Variants in DOCK2 observed in about 807,000 individuals in gnomAD.
The protein encoded by DOCK2 is dedicator of cytokinesis protein 2.
In DOCK2, 87 loss-of-function variants were observed where a neutral mutation model predicts 248.9. That is an observed-to-expected ratio of 0.35 (90% CI 0.29 to 0.42). The LOEUF (loss-of-function observed/expected upper bound fraction) is 0.42. Ranked by LOEUF, DOCK2 falls within the 10% of genes least tolerant of loss-of-function variation. The pLI, the probability that DOCK2 is intolerant of heterozygous loss-of-function variation, is 1.00. For missense variants in DOCK2, 1,747 were observed against 2,300.2 expected, an observed-to-expected ratio of 0.76 and a Z score of 4.92; for synonymous variants, 805 against 821.6, an observed-to-expected ratio of 0.98 and a Z score of 0.35.
At chr5:169,893,316 C>T (rs1024847301) in intron 27 of DOCK2, among the ~76,000 whole-genome samples, 3 of 152,166 alleles carry the variant, frequency 2.0e-5, no homozygotes, top group Non-Finnish European at 2.9e-5. Flanking sequence ...TTACTACCAC[C>T]AGATGCAACT....
intron 46 of DOCK2, among the ~76,000 whole-genome samples, chr5:170,069,740 C>A (rs569556598): frequency 9.0e-4 from 137 of 152,328 alleles, no homozygotes; most frequent in African/African-American, 3.2e-3. Context: ...CCCACACAAG[C>A]CGCTGCTCAG....
At chr5:169,988,959 T>G (rs1005759482) in intron 29 of DOCK2, among the ~76,000 whole-genome samples, 4 of 152,248 alleles carry the variant, frequency 2.6e-5, no homozygotes, top group African/African-American at 9.6e-5. Context: ...ATTCATGTGG[T>G]CAGGGCCAAC....
intron 27 of DOCK2, among the ~76,000 whole-genome samples, chr5:169,843,131 C>T (rs529542040): frequency 4.6e-5 from 7 of 152,314 alleles, no homozygotes; most frequent in Admixed American, 4.6e-4. Flanking sequence ...ATTGCCCAAA[C>T]ATGCTGGCAC....
intron 27 of DOCK2, among the ~76,000 whole-genome samples, chr5:169,869,246 T>A (rs1771788948): frequency 6.6e-6 from 1 of 152,222 alleles, no homozygotes; most frequent in South Asian, 2.1e-4. Flanking sequence ...ACACTCTTTA[T>A]GTTTCTATGG....
intron 27 of DOCK2, among the ~76,000 whole-genome samples, chr5:169,848,134 C>G (rs1770421751): frequency 6.6e-6 from 1 of 152,154 alleles, no homozygotes; most frequent in African/African-American, 2.4e-5. Context: ...TAATGTGACA[C>G]AGATTGTAAT....
intron 27 of DOCK2, among the ~76,000 whole-genome samples, chr5:169,943,356 G>A (rs1177510031): frequency 6.6e-6 from 1 of 152,036 alleles, no homozygotes; most frequent in Non-Finnish European, 1.5e-5. Context: ...CTGTGGACAG[G>A]CAATACTTAG....
At chr5:169,975,933 T>G (rs1777703839) in intron 27 of DOCK2, among the ~76,000 whole-genome samples, 1 of 152,178 alleles carries the variant, frequency 6.6e-6, no homozygotes, top group Non-Finnish European at 1.5e-5. Flanking sequence ...GTGAAAGAAT[T>G]ATCTCACTCT....
At chr5:170,006,247 G>A (rs1280727108) in intron 30 of DOCK2, among the ~76,000 whole-genome samples, 1 of 152,192 alleles carries the variant, frequency 6.6e-6, no homozygotes, top group Non-Finnish European at 1.5e-5. Flanking sequence ...GAAACAAGGA[G>A]ATTTGATTCC....
At chr5:169,654,329 A>G (rs995540309) in intron 1 of DOCK2, 74 bp from the exon 2 acceptor site, 2 of 1,551,266 alleles carry the variant, frequency 1.3e-6, no homozygotes, top group Admixed American at 1.7e-5. Context: ...GACTTGAGGC[A>G]GGGAAAGCAG....
intron 40 of DOCK2, among the ~76,000 whole-genome samples, chr5:170,049,564 CAG>C (rs1444189224): frequency 2.0e-5 from 3 of 152,206 alleles, no homozygotes; most frequent in African/African-American, 4.8e-5. Flanking sequence ...ATGTCTAGAG[CAG>C]AGTTTCTCAA....
At chr5:170,067,012 A>T (rs1161781864) in intron 44 of DOCK2, among the ~76,000 whole-genome samples, 3 of 152,180 alleles carry the variant, frequency 2.0e-5, no homozygotes, top group African/African-American at 7.2e-5. Flanking sequence ...GCCTTCTAAG[A>T]GGTGTTGGAC....
intron 29 of DOCK2, among the ~76,000 whole-genome samples, chr5:169,987,029 A>AAG (rs1433507231): frequency 3.9e-5 from 6 of 152,230 alleles, no homozygotes; most frequent in Non-Finnish European, 7.3e-5. Context: ...AGATAACTGA[A>AAG]AGAGCCCTGA....
chr5:169,689,814 T>C (rs995097795), intron 9 of DOCK2, among the ~76,000 whole-genome samples: 17 of 152,226 alleles, frequency 1.1e-4, no homozygotes, highest in Non-Finnish European at 1.6e-4. Context: ...AAGTCATAGA[T>C]GACTAACGAT....
chr5:170,071,969 A>G (rs1208982861), intron 46 of DOCK2, among the ~76,000 whole-genome samples: 1 of 152,212 alleles, frequency 6.6e-6, no homozygotes, highest in Non-Finnish European at 1.5e-5. Context: ...TCATTGCTAT[A>G]TAGTAGTCCG....
chr5:170,075,672 C>A, intron 46 of DOCK2: 1 of 352,488 alleles, frequency 2.8e-6, no homozygotes. Flanking sequence ...GCAATTTTCC[C>A]AACCATGTGG....
intron 9 of DOCK2, among the ~76,000 whole-genome samples, chr5:169,693,883 A>G (rs1205171488): frequency 2.0e-5 from 3 of 152,174 alleles, no homozygotes; most frequent in Admixed American, 6.5e-5. Flanking sequence ...TGCTCTTAAG[A>G]CCTTCAGCTG....
In DOCK2 at chr5:170,060,509, A is replaced by G. The variant is rs184417585; in HGVS notation, c.4467+2843A>G. Reference sequence around the variant, plus strand: ...GCTAGCTAAGTGACAGACCTCCGCCAGCCTGGTTTGGCTTGCAGTTCTCCA... The same window carrying G: ...GCTAGCTAAGTGACAGACCTCCGCCGGCCTGGTTTGGCTTGCAGTTCTCCA... On this transcript the variant is annotated intron_variant, in intron 44 of 51. Transcript: ENST00000520908. Among the ~76,000 whole-genome samples the G allele has an allele frequency of 7.9e-5, 12 of 152,338 alleles. 1 individual carries two copies. The highest frequency in any genetic ancestry group is 5.2e-4 in the Admixed American group (8 of 15,296).
At position 170,077,701 on chromosome 5, in the gene DOCK2, C is replaced by T. The variant is rs761594730; in HGVS notation, c.4867-9C>T. The T allele has an allele frequency of 4.3e-6, 7 of 1,613,414 alleles. No individual in the cohort carries two copies. Among genetic ancestry groups the T allele is most frequent in the East Asian group, 4.5e-5 (2 of 44,866 alleles). Reference sequence around the variant, plus strand: ...TACAGCTGCTAACCACCCTGTTCTCCCACCACAGCCTGACTTTGACGACAG... The same window carrying T: ...TACAGCTGCTAACCACCCTGTTCTCTCACCACAGCCTGACTTTGACGACAG... On this transcript the variant is annotated splice_polypyrimidine_tract_variant and intron_variant, in intron 47 of 51. Transcript: ENST00000520908.
At chr5:169,972,586 T>TAGATAGATGATAGATAGATA (rs1554122913) in intron 27 of DOCK2, among the ~76,000 whole-genome samples, 6 of 69,040 alleles carry the variant, frequency 8.7e-5, no homozygotes, top group Admixed American at 7.5e-4. Flanking sequence ...GATAGATAGA[T>TAGATAGATGATAGATAGATA]GATAGATAGA....
Sources: gnomAD v4.1 joint callset for allele counts (sites outside exome capture counted in the v4.1 genomes callset) on GRCh38, gnomAD v4.1.1 for gene constraint, MANE v1.5 for transcripts, NCBI Gene and HGNC (gene_info 2026-07-23, HGNC 2026-07-21) for gene names.